TMEM44: variants seen among roughly 807,000 people sequenced by gnomAD.
TMEM44 encodes the protein transmembrane protein 44.
In TMEM44, 43 loss-of-function variants were observed where a neutral mutation model predicts 47.8. The ratio of observed to expected loss-of-function variants is 0.90; its 90% CI spans 0.70 to 1.16. TMEM44 has a LOEUF of 1.16. TMEM44 is among the 50% of genes most tolerant of loss of function. The pLI is 0.00. For missense variants in TMEM44, 568 were observed against 555.2 expected (o/e 1.02, Z -0.23); for synonymous variants, 277 against 238.8 (o/e 1.16, Z -1.48).
intron 9 of TMEM44, among the ~76,000 whole-genome samples, chr3:194,596,660 G>A (rs1560160875): frequency 6.6e-6 from 1 of 152,034 alleles, no homozygotes; most frequent in South Asian, 2.1e-4. Context: ...GCGTGGTGGC[G>A]CATGCCTGTA....
intron 5 of TMEM44, among the ~76,000 whole-genome samples, chr3:194,622,229 T>C (rs1038147261): frequency 6.6e-6 from 1 of 152,246 alleles, no homozygotes; most frequent in Non-Finnish European, 1.5e-5. Flanking sequence ...TTCCCTAGCC[T>C]GTGTCCTCAA....
chr3:194,629,019 C>G (rs1717482503), intron 1 of TMEM44, among the ~76,000 whole-genome samples: 2 of 152,072 alleles, frequency 1.3e-5, no homozygotes, highest in South Asian at 4.1e-4. Context: ...CAAAAATTAG[C>G]CGGGTGTGGT....
rs535023923 is a variant in TMEM44 at position 194,633,351 on chromosome 3, C to G, written c.-136G>C. ...CCGCGGCGCCTCCGGCCGAGCGCAC[C>G]GACCGCGGGCAGAGAAGGGCGCGCT... On this transcript the variant is annotated 5_prime_UTR_variant, in exon 1 of 10. Transcript: ENST00000347147. 1 of 319,122 alleles carries G rather than the reference C, an allele frequency of 3.1e-6. No homozygotes were observed. The highest frequency in any genetic ancestry group is 2.3e-5 in the African/African-American group (1 of 44,306). The allele number at this position is 319,122 out of a possible 1,614,324, so 19.8% of individuals were successfully genotyped here. A position where few individuals can be genotyped will look rare whatever the true frequency, so the allele number is the denominator to read the frequency against.
Position 194,615,451 on chromosome 3 carries a change from C to G in TMEM44, c.912+118G>C, listed in dbSNP as rs921086932. The G allele has an allele frequency of 2.8e-6, 4 of 1,415,444 alleles. No homozygotes were observed. In the African/African-American group the frequency reaches 5.7e-5, roughly 20 times the overall value. The allele number at this position is 1,415,444 out of a possible 1,614,324, so 87.7% of individuals were successfully genotyped here. A position where few individuals can be genotyped will look rare whatever the true frequency, so the allele number is the denominator to read the frequency against. On this transcript the variant is annotated intron_variant, in intron 7 of 9. Transcript: ENST00000347147. ...ACAGGACAGCTGTCTGAGTCGCCTG[C>G]AGAGAACACTCGGCAGGCAGCTTTC...
intron 5 of TMEM44, among the ~76,000 whole-genome samples, chr3:194,618,200 A>T (rs954474111): frequency 6.6e-6 from 1 of 152,218 alleles, no homozygotes; most frequent in African/African-American, 2.4e-5. Context: ...CATGGGGAAG[A>T]TCCGAAAAAT....
intron 9 of TMEM44, among the ~76,000 whole-genome samples, chr3:194,602,396 G>A (rs1714232995): frequency 6.6e-6 from 1 of 152,194 alleles, no homozygotes; most frequent in African/African-American, 2.4e-5. Context: ...GAGGTCAGGA[G>A]TTCAAGACCA....
chr3:194,602,878 A>G (rs1714308937), intron 9 of TMEM44, among the ~76,000 whole-genome samples: 1 of 152,232 alleles, frequency 6.6e-6, no homozygotes, highest in Admixed American at 6.5e-5. Flanking sequence ...GGGACTTACA[A>G]TGGCTAATTG....
At chr3:194,595,170 T>C (rs1713252730) in intron 9 of TMEM44, among the ~76,000 whole-genome samples, 1 of 152,198 alleles carries the variant, frequency 6.6e-6, no homozygotes, top group African/African-American at 2.4e-5. Context: ...ATGTATAATA[T>C]AATAAAAGCA....
intron 1 of TMEM44, among the ~76,000 whole-genome samples, chr3:194,629,438 C>T (rs75215293): frequency 0.011 from 1,706 of 152,354 alleles, 44 homozygotes; most frequent in East Asian, 0.098. Context: ...AGAAGATGCA[C>T]GGAAGGGCAG....
chr3:194,592,520 T>C (rs933455938), intron 9 of TMEM44, among the ~76,000 whole-genome samples: 1 of 152,170 alleles, frequency 6.6e-6, no homozygotes, highest in Non-Finnish European at 1.5e-5. Flanking sequence ...TTGGAGTCCC[T>C]ATTACTTGGG....
At chr3:194,624,449 C>A (rs1716918919) in intron 3 of TMEM44, among the ~76,000 whole-genome samples, 1 of 152,170 alleles carries the variant, frequency 6.6e-6, no homozygotes, top group Non-Finnish European at 1.5e-5. Flanking sequence ...GAGACAGGGT[C>A]TCGCTGTCAC....
chr3:194,631,406 G>C (rs941450217), intron 1 of TMEM44, among the ~76,000 whole-genome samples: 1 of 151,906 alleles, frequency 6.6e-6, no homozygotes, highest in African/African-American at 2.4e-5. Context: ...GATTCTGAGC[G>C]CCTGTCCTTG....
intron 5 of TMEM44, among the ~76,000 whole-genome samples, chr3:194,618,990 C>G (rs1374623007): frequency 6.6e-6 from 1 of 152,262 alleles, no homozygotes; most frequent in Non-Finnish European, 1.5e-5. Flanking sequence ...CCTTTCCCAT[C>G]GGCCCTTCCT....
chr3:194,604,743 C>T (rs1005332026), intron 8 of TMEM44, among the ~76,000 whole-genome samples: 8 of 152,150 alleles, frequency 5.3e-5, no homozygotes, highest in Non-Finnish European at 8.8e-5. Flanking sequence ...CTTTTTTTCA[C>T]CTAACACTAT....
chr3:194,591,822 G>T (rs187993299), intron 9 of TMEM44, among the ~76,000 whole-genome samples: 10 of 152,054 alleles, frequency 6.6e-5, no homozygotes, highest in Non-Finnish European at 1.3e-4. Flanking sequence ...GGCCAGACTG[G>T]TCTCCAACTC....
intron 9 of TMEM44, among the ~76,000 whole-genome samples, chr3:194,601,144 TG>T (rs1377475636): frequency 2.0e-5 from 3 of 150,154 alleles, no homozygotes; most frequent in African/African-American, 7.4e-5. Flanking sequence ...GGAATTTACT[TG>T]TTTGTTTTTT....
In TMEM44 at chr3:194,623,037, G is replaced by C. The variant is rs971616429; in HGVS notation, c.612+187C>G. The C allele has an allele frequency of 6.5e-5, 34 of 527,102 alleles. No individual in the cohort carries two copies. In the African/African-American group the frequency reaches 6.9e-4, roughly 11 times the overall value. The allele number at this position is 527,102 out of a possible 1,614,324, so 32.7% of individuals were successfully genotyped here. ...GCCGTCCTCAGGACGCCCTGGGTTG[G>C]CTGCCCACTCTCCACACACACCCCC... On this transcript the variant is annotated intron_variant, in intron 5 of 9. Transcript: ENST00000347147.
intron 9 of TMEM44, among the ~76,000 whole-genome samples, chr3:194,596,712 AC>A (rs1354916326): frequency 1.3e-5 from 2 of 152,014 alleles, no homozygotes; most frequent in Admixed American, 1.3e-4. Flanking sequence ...AATCACTTGA[AC>A]CCGGGAGGTG....
intron 9 of TMEM44, among the ~76,000 whole-genome samples, chr3:194,597,731 G>A (rs949553103): frequency 2.0e-5 from 3 of 151,876 alleles, no homozygotes; most frequent in African/African-American, 4.8e-5. Flanking sequence ...CACAGCATAC[G>A]TGTTTGGTCC....
Sources: gnomAD v4.1 joint callset for allele counts (sites outside exome capture counted in the v4.1 genomes callset) on GRCh38, gnomAD v4.1.1 for gene constraint, MANE v1.5 for transcripts, NCBI Gene and HGNC (gene_info 2026-07-23, HGNC 2026-07-21) for gene names.